GRM3: variants seen among roughly 807,000 people sequenced by gnomAD.
GRM3 encodes metabotropic glutamate receptor 3.
In GRM3, 26 loss-of-function variants were observed where a neutral mutation model predicts 70.5. The ratio of observed to expected loss-of-function variants is 0.37; its 90% CI spans 0.27 to 0.51. The LOEUF (loss-of-function observed/expected upper bound fraction) is 0.51, where lower values mean the gene tolerates loss of function less well. GRM3 is among the 20% of genes least tolerant of loss of function. The pLI, the probability that GRM3 is intolerant of heterozygous loss-of-function variation, is 0.93. For synonymous variants in GRM3, 443 were observed against 434.9 expected, an observed-to-expected ratio of 1.02 and a Z score of -0.23; for missense variants, 859 against 1,123.8, an observed-to-expected ratio of 0.76 and a Z score of 3.37.
chr7:86,666,834 C>T (rs1794039459), intron 1 of GRM3, among the ~76,000 whole-genome samples: 1 of 152,072 alleles, frequency 6.6e-6, no homozygotes, highest in Admixed American at 6.6e-5. Context: ...CTCATGACTT[C>T]TGTTTATCCC....
chr7:86,661,230 TGAAA>T (rs773247345), intron 1 of GRM3, among the ~76,000 whole-genome samples: 2 of 152,004 alleles, frequency 1.3e-5, no homozygotes, highest in East Asian at 3.8e-4. Flanking sequence ...TAATGCTTTT[TGAAA>T]GAAAAATATG....
intron 2 of GRM3, among the ~76,000 whole-genome samples, chr7:86,782,781 T>C (rs1797108482): frequency 6.6e-6 from 1 of 152,236 alleles, no homozygotes; most frequent in Admixed American, 6.5e-5. Flanking sequence ...TTGTTGAGAC[T>C]ATTCTGTATT....
chr7:86,801,229 C>T (rs1184274370), intron 3 of GRM3, among the ~76,000 whole-genome samples: 1 of 151,956 alleles, frequency 6.6e-6, no homozygotes, highest in Non-Finnish European at 1.5e-5. Context: ...TGCCGCCATG[C>T]CCAGCAAATT....
At chr7:86,766,872 G>T (rs116433149) in intron 2 of GRM3, among the ~76,000 whole-genome samples, 4 of 152,026 alleles carry the variant, frequency 2.6e-5, no homozygotes, top group Non-Finnish European at 1.5e-5. Context: ...CTATATTTGC[G>T]TTGGAATAAC....
chr7:86,762,175 C>T (rs1023690997), intron 1 of GRM3, among the ~76,000 whole-genome samples: 2 of 152,010 alleles, frequency 1.3e-5, no homozygotes, highest in African/African-American at 4.8e-5. Flanking sequence ...ATCAAAGAGA[C>T]CAGAAATTGA....
At chr7:86,718,154 C>A (rs1408743248) in intron 1 of GRM3, among the ~76,000 whole-genome samples, 1 of 151,938 alleles carries the variant, frequency 6.6e-6, no homozygotes, top group Non-Finnish European at 1.5e-5. Context: ...AAATGTAGAT[C>A]TGTTACCATT....
chr7:86,764,423 A>C (rs756210559), intron 1 of GRM3, among the ~76,000 whole-genome samples: 1 of 152,092 alleles, frequency 6.6e-6, no homozygotes, highest in Non-Finnish European at 1.5e-5. Flanking sequence ...TTTCCACAAC[A>C]CTTTTGTTAG....
chr7:86,779,320 C>G (rs1218698027), intron 2 of GRM3, among the ~76,000 whole-genome samples: 1 of 152,132 alleles, frequency 6.6e-6, no homozygotes, highest in Non-Finnish European at 1.5e-5. Flanking sequence ...AGTTAAAGAT[C>G]CACATTGCAC....
At chr7:86,849,221 T>C (rs1483843615) in intron 4 of GRM3, among the ~76,000 whole-genome samples, 1 of 152,136 alleles carries the variant, frequency 6.6e-6, no homozygotes, top group African/African-American at 2.4e-5. Flanking sequence ...AGATTCAGAT[T>C]TATGAAGGCT....
intron 3 of GRM3, among the ~76,000 whole-genome samples, chr7:86,803,025 G>C (rs981465842): frequency 6.6e-6 from 1 of 152,074 alleles, no homozygotes; most frequent in African/African-American, 2.4e-5. Context: ...CACTTTCTTA[G>C]GGTACTTAAC....
chr7:86,736,468 G>T (rs1319473799), intron 1 of GRM3, among the ~76,000 whole-genome samples: 2 of 152,188 alleles, frequency 1.3e-5, no homozygotes, highest in Non-Finnish European at 2.9e-5. Flanking sequence ...GTTACGTTTT[G>T]CTCAAGCAGA....
intron 1 of GRM3, among the ~76,000 whole-genome samples, chr7:86,749,145 C>T (rs527766806): frequency 6.6e-6 from 1 of 152,158 alleles, no homozygotes; most frequent in East Asian, 1.9e-4. Flanking sequence ...CTAATTCTTA[C>T]TACTGGCATA....
At position 86,831,343 on chromosome 7, in the gene GRM3, A is replaced by G. The variant is rs918483294; in HGVS notation, c.1325-7496A>G. On this transcript the variant is annotated intron_variant, in intron 3 of 5. Coordinates refer to ENST00000361669, the MANE Select transcript of GRM3 (RefSeq NM_000840.3). Reference sequence around the variant, plus strand: ...TTGTATGCATTAAAACTCAATGAAAATTTTTACAAATCTAAACACTTATTA... The same window carrying G: ...TTGTATGCATTAAAACTCAATGAAAGTTTTTACAAATCTAAACACTTATTA... Among the ~76,000 whole-genome samples, 11 of 152,134 alleles carry G rather than the reference A, an allele frequency of 7.2e-5. 1 individual carries two copies. Among genetic ancestry groups the G allele is most frequent in the African/African-American group, 2.7e-4 (11 of 41,430 alleles).
At position 86,694,247 on chromosome 7, in the gene GRM3, C is replaced by T. The variant is rs140509571; in HGVS notation, c.-141+49375C>T. 3.5e-3 allele frequency among the ~76,000 whole-genome samples: 538 copies of T among 152,138 alleles called. 4 individuals carry two copies. The highest frequency in any genetic ancestry group is 0.012 in the African/African-American group (507 of 41,524). ...ATTCTTAAAAATCAAAGAGAAAGGC[C>T]GGGCGTGGTGGCTCACGCCTGTAAT... On this transcript the variant is annotated intron_variant, in intron 1 of 5. Transcript: ENST00000361669.
At chr7:86,732,171 T>C (rs1462616176) in intron 1 of GRM3, among the ~76,000 whole-genome samples, 1 of 152,228 alleles carries the variant, frequency 6.6e-6, no homozygotes, top group African/African-American at 2.4e-5. Flanking sequence ...GCCTTCCATT[T>C]TTAAGAAATA....
At chr7:86,665,111 C>A (rs1482655697) in intron 1 of GRM3, among the ~76,000 whole-genome samples, 1 of 152,008 alleles carries the variant, frequency 6.6e-6, no homozygotes, top group African/African-American at 2.4e-5. Flanking sequence ...CAAACTATTA[C>A]CTGCTACATG....
At chr7:86,828,458 A>G (rs1380335947) in intron 3 of GRM3, among the ~76,000 whole-genome samples, 1 of 152,222 alleles carries the variant, frequency 6.6e-6, no homozygotes, top group Non-Finnish European at 1.5e-5. Flanking sequence ...CATTGCAATA[A>G]AGCAAAATTC....
intron 2 of GRM3, among the ~76,000 whole-genome samples, chr7:86,770,715 T>G (rs958226580): frequency 6.6e-6 from 1 of 152,110 alleles, no homozygotes; most frequent in African/African-American, 2.4e-5. Flanking sequence ...CACACATTAA[T>G]TGCCAGTTTT....
intron 1 of GRM3, among the ~76,000 whole-genome samples, chr7:86,667,827 C>G (rs943844113): frequency 6.6e-6 from 1 of 152,168 alleles, no homozygotes; most frequent in South Asian, 2.1e-4. Context: ...GTAATACCAA[C>G]TAGCATGTCT....
Sources: allele counts gnomAD v4.1 joint callset (sites outside exome capture counted in the v4.1 genomes callset), GRCh38; gene constraint gnomAD v4.1.1; transcripts MANE v1.5; gene names NCBI Gene and HGNC (gene_info 2026-07-23, HGNC 2026-07-21).